The following PGBD5 variants were observed in gnomAD, a reference collection of about 807,000 sequenced individuals.
The protein encoded by PGBD5 is piggyBac transposable element-derived protein 5.
Under a neutral mutation model 47.9 loss-of-function variants are expected in PGBD5, and 14 were observed. The ratio of observed to expected loss-of-function variants is 0.29; its 90% confidence interval spans 0.19 to 0.46. The LOEUF is 0.46. Ranked by LOEUF, PGBD5 falls within the 20% of genes least tolerant of loss-of-function variation. The pLI is 1.00. For synonymous variants in PGBD5, 316 were observed against 306.3 expected, an observed-to-expected ratio of 1.03 and a Z score of -0.33; for missense variants, 635 against 716.0, an observed-to-expected ratio of 0.89 and a Z score of 1.29.
chr1:230,383,139 G>A (rs1479898414), intron 1 of PGBD5, among the ~76,000 whole-genome samples: 1 of 152,208 alleles, frequency 6.6e-6, no homozygotes, highest in East Asian at 1.9e-4. Context: ...GAGCAACCAC[G>A]GCTCACTGTA....
At chr1:230,421,704 G>C (rs1342899488) in intron 1 of PGBD5, among the ~76,000 whole-genome samples, 1 of 152,230 alleles carries the variant, frequency 6.6e-6, no homozygotes, top group Non-Finnish European at 1.5e-5. Flanking sequence ...TGCAGCCACT[G>C]CAAGATGACA....
At chr1:230,339,647 A>T (rs1667380656) in intron 3 of PGBD5, among the ~76,000 whole-genome samples, 2 of 113,260 alleles carry the variant, frequency 1.8e-5, no homozygotes, top group Admixed American at 1.9e-4. Context: ...AATGTGGCAT[A>T]TACACAAGAT....
Position 230,323,285 on chromosome 1 carries a change from T to C in PGBD5, c.*140A>G. ...CCGTCCTCTGACCAGGTCCATCCTG[T>C]CCCTCCAGAGGCCCTGTGCATCCCT... On this transcript the variant is annotated 3_prime_UTR_variant, in exon 7 of 7. Coordinates refer to ENST00000391860, the MANE Select transcript of PGBD5 (RefSeq NM_001258311.2). This position sits in a 1 kb window ranked among gnomAD's most constrained non-coding sequence, Gnocchi z 4.1. 1.1e-6 allele frequency: 1 copy of C among 909,612 alleles called. No homozygotes were observed. Among genetic ancestry groups the C allele is most frequent in the Non-Finnish European group, 1.6e-6 (1 of 612,238 alleles). The allele number at this position is 909,612 out of a possible 1,614,324, so 56.3% of individuals were successfully genotyped here.
intron 3 of PGBD5, 43 bp downstream of exon 3, chr1:230,350,915 G>C: frequency 6.2e-7 from 1 of 1,601,864 alleles, no homozygotes; most frequent in Non-Finnish European, 8.5e-7. Flanking sequence ...TTTCTTCCCC[G>C]ACCCTCTTCA....
At chr1:230,365,576 T>C (rs1370324621) in intron 1 of PGBD5, among the ~76,000 whole-genome samples, 1 of 152,202 alleles carries the variant, frequency 6.6e-6, no homozygotes, top group Non-Finnish European at 1.5e-5. Flanking sequence ...CACCTGCAGA[T>C]GACCTACTTA....
At chr1:230,395,254 T>TC (rs141075474) in intron 1 of PGBD5, among the ~76,000 whole-genome samples, 1 of 19,108 alleles carries the variant, frequency 5.2e-5, no homozygotes, top group Non-Finnish European at 8.8e-5. Flanking sequence ...CCCACCCTTC[T>TC]CCCCCCCTCA....
intron 1 of PGBD5, among the ~76,000 whole-genome samples, chr1:230,362,054 G>A: frequency 6.6e-6 from 1 of 152,274 alleles, no homozygotes; most frequent in East Asian, 1.9e-4. Flanking sequence ...TGGGGCTGGA[G>A]GCATCAGTGG....
chr1:230,367,798 G>T (rs902243912), intron 1 of PGBD5, among the ~76,000 whole-genome samples: 6 of 152,146 alleles, frequency 3.9e-5, no homozygotes, highest in African/African-American at 1.4e-4. Context: ...ATACTCCGTG[G>T]AGGCTCTTCA....
intron 1 of PGBD5, among the ~76,000 whole-genome samples, chr1:230,361,208 G>C (rs945586589): frequency 6.6e-6 from 1 of 152,160 alleles, no homozygotes. Context: ...CATGTGTTGC[G>C]GGGGATAACG....
intron 3 of PGBD5, among the ~76,000 whole-genome samples, chr1:230,346,435 C>T (rs1161522610): frequency 6.6e-6 from 1 of 152,150 alleles, no homozygotes; most frequent in South Asian, 2.1e-4. Flanking sequence ...AGTGCACCAT[C>T]GTATCTAGCA....
chr1:230,371,071 CTGAT>C (rs1231674255), intron 1 of PGBD5, among the ~76,000 whole-genome samples: 2 of 152,198 alleles, frequency 1.3e-5, no homozygotes, highest in East Asian at 1.9e-4. Flanking sequence ...AAAAGGAAGA[CTGAT>C]TGTTATTTGT....
intron 1 of PGBD5, among the ~76,000 whole-genome samples, chr1:230,386,348 C>T (rs1043612619): frequency 6.6e-6 from 1 of 151,648 alleles, no homozygotes. Flanking sequence ...ATAATTTAGA[C>T]AACCAACCTC....
intron 1 of PGBD5, among the ~76,000 whole-genome samples, chr1:230,394,336 C>T (rs1370641082): frequency 1.3e-5 from 2 of 151,698 alleles, no homozygotes; most frequent in Admixed American, 6.6e-5. Context: ...TGGCGGTTTT[C>T]GAGTATGAGG....
intron 3 of PGBD5, among the ~76,000 whole-genome samples, chr1:230,340,693 G>A (rs765830306): frequency 7.2e-5 from 11 of 151,998 alleles, no homozygotes; most frequent in Non-Finnish European, 1.2e-4. Flanking sequence ...CTGAGTGAAC[G>A]GTTATTCATC....
rs117255963 is a variant in PGBD5 at position 230,398,892 on chromosome 1, G to T, written c.331+26706C>A. ...AGCATGGAGTCCCCCAGAGCAGCTG[G>T]TCTGAAACAGAAGCGGAAGGGCTGG... On this transcript the variant is annotated intron_variant, in intron 1 of 6. Transcript: ENST00000391860. Among the ~76,000 whole-genome samples, 546 of 152,294 alleles carry T rather than the reference G, an allele frequency of 3.6e-3. 23 individuals are homozygous for T. In the East Asian group the frequency reaches 0.093, roughly 26 times the overall value.
chr1:230,404,373 G>A (rs188299829), intron 1 of PGBD5, among the ~76,000 whole-genome samples: 15 of 152,062 alleles, frequency 9.9e-5, no homozygotes, highest in African/African-American at 2.9e-4. Context: ...TGAGCTACTC[G>A]GGGGACTGAG....
intron 1 of PGBD5, among the ~76,000 whole-genome samples, chr1:230,401,544 C>T (rs1052079955): frequency 2.0e-5 from 3 of 152,178 alleles, no homozygotes; most frequent in Non-Finnish European, 4.4e-5. Flanking sequence ...GATCAAAAGG[C>T]GGCAAGACCC....
chr1:230,347,905 T>C (rs1418584492), intron 3 of PGBD5, among the ~76,000 whole-genome samples: 2 of 152,186 alleles, frequency 1.3e-5, no homozygotes, highest in Admixed American at 6.5e-5. Context: ...ACCCAGGTGA[T>C]CCATCCTGGT....
chr1:230,409,181 A>G (rs1444673353), intron 1 of PGBD5, among the ~76,000 whole-genome samples: 1 of 152,230 alleles, frequency 6.6e-6, no homozygotes, highest in Non-Finnish European at 1.5e-5. Flanking sequence ...CCTACCAGGA[A>G]GGCTGGAATC....
Sources: allele counts gnomAD v4.1 joint callset (sites outside exome capture counted in the v4.1 genomes callset), GRCh38; gene constraint gnomAD v4.1.1; non-coding constraint Gnocchi (gnomAD v3.1); transcripts MANE v1.5; gene names NCBI Gene and HGNC (gene_info 2026-07-23, HGNC 2026-07-21).